The following ERCC6L variants were observed in gnomAD, a reference collection of about 807,000 sequenced individuals.
ERCC6L encodes DNA excision repair protein ERCC-6-like.
In ERCC6L, 7 loss-of-function variants were observed where a neutral mutation model predicts 20.1. The ratio of observed to expected loss-of-function variants is 0.35; its 90% CI spans 0.20 to 0.65. ERCC6L has a LOEUF of 0.65. Ranked by LOEUF, ERCC6L falls within the 30% of genes least tolerant of loss-of-function variation. The pLI is 0.69. For missense variants in ERCC6L, 592 were observed against 892.4 expected, an observed-to-expected ratio of 0.66 and a Z score of 4.29; for synonymous variants, 278 against 331.3, an observed-to-expected ratio of 0.84 and a Z score of 1.75.
At chrX:72,228,616 T>C (rs1318896184) in intron 1 of ERCC6L, among the ~76,000 whole-genome samples, 3 of 111,883 alleles carry the variant, frequency 2.7e-5, no homozygotes, top group South Asian at 7.5e-4. Flanking sequence ...CTTGTTACAG[T>C]CCTTCAGCGG....
At position 72,208,651 on chromosome X, in the gene ERCC6L, T is replaced by C; in HGVS notation, c.116A>G (p.Glu39Gly). 8.3e-7 allele frequency: 1 copy of C among 1,208,993 alleles called. No homozygotes were observed. Among genetic ancestry groups the C allele is most frequent in the South Asian group, 1.8e-5 (1 of 56,288 alleles). ...TGCCAAATTGAAAAGTTTAAATGCT[T>C]CTTCCAGGTCTCCATTCTTAGTTGC... ...KEATKNGDLE[E>G]AFKLFNLAKD... The change falls in exon 2 of 2, where the codon GAA becomes GGA. Residue 39 changes from glutamate (E) to glycine (G), a missense_variant. This residue lies in a region of ERCC6L where 44 missense variants were observed against 49.8 expected (regional missense o/e 0.88). Transcript: ENST00000334463.
Position 72,208,185 on chromosome X carries a change from C to T in ERCC6L, c.582G>A (p.Arg194=), listed in dbSNP as rs768473946. The T allele has an allele frequency of 7.4e-6, 9 of 1,209,981 alleles. No individual in the cohort carries two copies. The highest frequency in any genetic ancestry group is 1.0e-5 in the Non-Finnish European group (9 of 895,282). ...GGTATGTAGTGATAATAACACCATTCCTTTGCTGAATCCGATTGAGGTTTC... is the reference window on the plus strand; with the variant it reads ...GGTATGTAGTGATAATAACACCATTTCTTTGCTGAATCCGATTGAGGTTTC... ...RTRNLNRIQQ[R]NGVIITTYQM... is the part of the protein sequence containing the mutation. The change falls in exon 2 of 2, where the codon AGG becomes AGA. Residue 194 remains arginine, a synonymous_variant. Coordinates refer to ENST00000334463, the MANE Select transcript of ERCC6L (RefSeq NM_017669.4).
At chrX:72,216,503 G>C (rs981788340) in intron 1 of ERCC6L, among the ~76,000 whole-genome samples, 1 of 111,539 alleles carries the variant, frequency 9.0e-6, no homozygotes, top group Non-Finnish European at 1.9e-5. Context: ...CATTCACAAC[G>C]TGTAATCATC....
rs773857138 is a variant in ERCC6L, at chrX:72,206,599, C to A, written c.2168G>T (p.Arg723Ile). 2 of 1,210,871 alleles carry A rather than the reference C, an allele frequency of 1.7e-6. No homozygotes were observed. The highest frequency in any genetic ancestry group is 2.2e-6 in the Non-Finnish European group (2 of 895,286). Residue 723 changes from arginine (R) to isoleucine (I), a missense_variant, in exon 2 of 2, where the codon AGA (arginine) becomes ATA (isoleucine). Transcript: ENST00000334463. ...TAGCCAGGCCCCCTCATTTCTAGTT[C>A]TTTGTTGTTCCATCAGGAACTCTTT... ...QNKEFLMEQQRTRNEGAWLRE... is the reference protein window; with the variant it reads ...QNKEFLMEQQITRNEGAWLRE...
At chrX:72,222,686 C>T (rs1383901031) in intron 1 of ERCC6L, among the ~76,000 whole-genome samples, 6 of 107,737 alleles carry the variant, frequency 5.6e-5, no homozygotes. Flanking sequence ...CAACCTCCGC[C>T]TCCCAGGTTC....
intron 1 of ERCC6L, among the ~76,000 whole-genome samples, chrX:72,220,568 C>T (rs974228096): frequency 9.0e-6 from 1 of 111,053 alleles, no homozygotes; most frequent in African/African-American, 3.3e-5. Flanking sequence ...ATGCTAGCCC[C>T]AAGATAACCC....
intron 1 of ERCC6L, among the ~76,000 whole-genome samples, chrX:72,221,043 C>T (rs1390435411): frequency 1.8e-5 from 2 of 111,678 alleles, no homozygotes; most frequent in Non-Finnish European, 3.8e-5. Context: ...GAGCGATTTG[C>T]ATGAGGACAA....
In ERCC6L at chrX:72,219,879, T is replaced by C. The variant is rs187831431; in HGVS notation, c.69-11181A>G. Among the ~76,000 whole-genome samples, 290 of 107,756 alleles carry C rather than the reference T, an allele frequency of 2.7e-3. 2 individuals are homozygous for C. The highest frequency in any genetic ancestry group is 4.7e-3 in the Non-Finnish European group (245 of 52,282). The allele number at this position is 107,756 out of a possible 115,157, so 93.6% of individuals were successfully genotyped here. ...AAAAAAAAAAGAACCTCCACTATAA[T>C]GTTGAATTATAATGTGAAGAGAAGT... On this transcript the variant is annotated intron_variant, in intron 1 of 1. Transcript: ENST00000334463.
chrX:72,207,459 A>G lies in ERCC6L; in HGVS notation c.1308T>C (p.Asn436=), dbSNP rs780243104. Residue 436 remains asparagine, a synonymous_variant, in exon 2 of 2, where the codon AAT becomes AAC. Coordinates refer to ENST00000334463, the MANE Select transcript of ERCC6L (RefSeq NM_017669.4). ...NLGTFSAQDG[N]EGEDSPDVDH... The stretch of plus-strand genomic sequence containing the variant: ...CCACATCTGGGGAATCTTCCCCCTC[A>G]TTTCCATCTTGAGCAGAGAATGTCC... 1 of 1,210,786 alleles carries G rather than the reference A, an allele frequency of 8.3e-7. No individual in the cohort carries two copies. Among genetic ancestry groups the G allele is most frequent in the Non-Finnish European group, 1.1e-6 (1 of 894,931 alleles).
intron 1 of ERCC6L, among the ~76,000 whole-genome samples, chrX:72,232,477 C>T (rs1336409873): frequency 1.9e-5 from 2 of 104,750 alleles, no homozygotes; most frequent in African/African-American, 3.5e-5. Flanking sequence ...TATAGAATTC[C>T]AGCTAATGAA....
chrX:72,225,329 G>A (rs1038162649), intron 1 of ERCC6L, among the ~76,000 whole-genome samples: 4 of 111,967 alleles, frequency 3.6e-5, no homozygotes, highest in Non-Finnish European at 5.6e-5. Context: ...ACCTCTCCCA[G>A]CTACATCTAC....
rs878901539 is a variant in ERCC6L at position 72,204,987 on chromosome X, T to G, written c.*27A>C. The stretch of plus-strand genomic sequence containing the variant: ...AAATTCCCTCATATTCAGTTTCACT[T>G]TAAAATACAATAAACAGGTTACATT... On this transcript the variant is annotated 3_prime_UTR_variant, in exon 2 of 2. Transcript: ENST00000334463. 6.2e-6 allele frequency: 7 copies of G among 1,126,019 alleles called. No homozygotes were observed. The South Asian group carries it at 1.5e-4, about 24-fold the overall frequency. The allele number at this position is 1,126,019 out of a possible 1,213,427, so 92.8% of individuals were successfully genotyped here.
chrX:72,229,227 C>T (rs745491911), intron 1 of ERCC6L, among the ~76,000 whole-genome samples: 8 of 111,257 alleles, frequency 7.2e-5, no homozygotes, highest in African/African-American at 2.6e-4. Context: ...CCAACGCAAC[C>T]GTACTATCAT....
chrX:72,214,715 G>A (rs192198998), intron 1 of ERCC6L, among the ~76,000 whole-genome samples: 16 of 106,247 alleles, frequency 1.5e-4, no homozygotes, highest in Admixed American at 1.3e-3. Flanking sequence ...GGCCAGGCAC[G>A]GTGGCTCACA....
intron 1 of ERCC6L, among the ~76,000 whole-genome samples, chrX:72,221,545 A>G (rs978398942): frequency 1.8e-5 from 2 of 110,722 alleles, no homozygotes; most frequent in Non-Finnish European, 3.8e-5. Flanking sequence ...CATCCTCCCC[A>G]CTGGGCTGCC....
rs2042810652 is a variant in ERCC6L, at chrX:72,205,278, AGACGTCATTAACCAGCTG to A, written c.3471_3488del (p.Ser1158_Ser1163del). On this transcript the variant is annotated inframe_deletion, in exon 2 of 2. Transcript: ENST00000334463. ...TCTCTTGAGCTAGAGCACTAGGCTT[AGACGTCATTAACCAGCTG>A]GACTTGTTTTCTGAAGACAGTGTTT... The A allele has an allele frequency of 1.7e-6, 2 of 1,212,087 alleles. No homozygotes were observed.
chrX:72,221,402 T>C (rs2042922305), intron 1 of ERCC6L, among the ~76,000 whole-genome samples: 1 of 111,444 alleles, frequency 9.0e-6, no homozygotes, highest in African/African-American at 3.3e-5. Context: ...AGTTTTCATC[T>C]CAGCTTGACC....
chrX:72,215,063 AACT>A (rs2042880605), intron 1 of ERCC6L, among the ~76,000 whole-genome samples: 1 of 112,314 alleles, frequency 8.9e-6, no homozygotes, highest in Admixed American at 9.5e-5. Flanking sequence ...GAAAAGAACA[AACT>A]ACTACATGTA....
At chrX:72,232,416 CAAAAAAAAAA>C (rs11302655) in intron 1 of ERCC6L, among the ~76,000 whole-genome samples, 1 of 35,096 alleles carries the variant, frequency 2.8e-5, no homozygotes, top group African/African-American at 1.1e-4. Context: ...AGACCTGCCT[CAAAAAAAAAA>C]AAAAAAAAAA....
Sources: gnomAD v4.1 joint callset for allele counts (sites outside exome capture counted in the v4.1 genomes callset) on GRCh38, gnomAD v4.1.1 for gene constraint, gnomAD v4.1.1 regional missense constraint, MANE v1.5 for transcripts, NCBI Gene and HGNC (gene_info 2026-07-23, HGNC 2026-07-21) for gene names.